Variants in RFWD3 observed in about 807,000 individuals in gnomAD.
RFWD3 encodes ring finger and WD repeat domain 3.
In RFWD3, 65 loss-of-function variants were observed where a neutral mutation model predicts 87.7. That is an observed-to-expected ratio of 0.74 (90% CI 0.61 to 0.91). The LOEUF (loss-of-function observed/expected upper bound fraction) is 0.91. RFWD3 is among the 40% of genes least tolerant of loss of function. RFWD3 has a pLI of 0.00. For synonymous variants in RFWD3, 433 were observed against 352.8 expected (o/e 1.23, Z -2.55); for missense variants, 1,078 against 938.5 (o/e 1.15, Z -1.94).
In RFWD3 at chr16:74,624,058, G is replaced by C. The variant is rs765394837; in HGVS notation, c.2195C>G (p.Ala732Gly). 9.6e-5 allele frequency: 155 copies of C among 1,613,824 alleles called. No homozygotes were observed. The East Asian group carries it at 3.4e-3, about 35-fold the overall frequency. ...AANSALLWDA[A>G]SGSLLQDLQT... ...TAGGTCCTGGAGCAACGAGCCACTG[G>C]CAGCATCCCACAGCTAAAGAACACA... Residue 732 changes from alanine to glycine, a missense_variant, in exon 13 of 13, where the codon GCC becomes GGC. Transcript: ENST00000361070.
At chr16:74,627,345 G>C (rs1958968441) in intron 11 of RFWD3, among the ~76,000 whole-genome samples, 1 of 152,110 alleles carries the variant, frequency 6.6e-6, no homozygotes, top group Non-Finnish European at 1.5e-5. Flanking sequence ...CTTTGGCCTA[G>C]TTAAAACATC....
chr16:74,636,525 C>A lies in RFWD3; in HGVS notation c.1247G>T (p.Gly416Val), dbSNP rs1159924480. The A allele has an allele frequency of 1.2e-6, 2 of 1,613,894 alleles. No homozygotes were observed. Among genetic ancestry groups the A allele is most frequent in the East Asian group, 2.2e-5 (1 of 44,878 alleles). The change falls in exon 8 of 13, where the codon GGC becomes GTC. Residue 416 changes from glycine (G) to valine (V), a missense_variant. Coordinates refer to ENST00000361070, the MANE Select transcript of RFWD3 (RefSeq NM_018124.4). ...GCAGCTCAGGACCCATGCTTGGGAG[C>A]CCCTGGGTTGCTGTAAATTCTGACT... ...HQSQNLQQPRGSQAWVLSCSP... is the reference protein window; with the variant it reads ...HQSQNLQQPRVSQAWVLSCSP...
At chr16:74,657,749 C>G (rs1474095266) in intron 2 of RFWD3, among the ~76,000 whole-genome samples, 1 of 152,178 alleles carries the variant, frequency 6.6e-6, no homozygotes, top group Non-Finnish European at 1.5e-5. Flanking sequence ...GCTGCGATTA[C>G]AGGTGTGAGC....
chr16:74,654,089 A>G (rs1399523252), intron 2 of RFWD3, among the ~76,000 whole-genome samples: 1 of 152,172 alleles, frequency 6.6e-6, no homozygotes, highest in African/African-American at 2.4e-5. Context: ...TCTGGTTCCA[A>G]AACATTTTTG....
At chr16:74,634,571 T>C (rs1391518334) in intron 8 of RFWD3, among the ~76,000 whole-genome samples, 1 of 152,034 alleles carries the variant, frequency 6.6e-6, no homozygotes, top group Non-Finnish European at 1.5e-5. Context: ...ATTTTTTTTA[T>C]AGCGATGGAG....
intron 10 of RFWD3, among the ~76,000 whole-genome samples, chr16:74,630,396 C>T (rs773740906): frequency 7.2e-5 from 11 of 152,056 alleles, no homozygotes; most frequent in Non-Finnish European, 1.6e-4. Flanking sequence ...CCGCACCCAG[C>T]GACATGTGGC....
At chr16:74,655,211 G>A (rs1960871345) in intron 2 of RFWD3, among the ~76,000 whole-genome samples, 1 of 152,150 alleles carries the variant, frequency 6.6e-6, no homozygotes. Context: ...CTTGTTAGGG[G>A]ATAATGCTGC....
At chr16:74,633,685 C>T (rs780638853) in intron 8 of RFWD3, among the ~76,000 whole-genome samples, 4 of 152,054 alleles carry the variant, frequency 2.6e-5, no homozygotes, top group Non-Finnish European at 2.9e-5. Flanking sequence ...CATGGTAGCT[C>T]GCGCCTGTAA....
In RFWD3 at chr16:74,636,492, G is replaced by C; in HGVS notation, c.1280C>G (p.Ser427Cys). 2 of 1,614,084 alleles carry C rather than the reference G, an allele frequency of 1.2e-6. No homozygotes were observed. Among genetic ancestry groups the C allele is most frequent in the Middle Eastern group, 1.7e-4 (1 of 6,004 alleles). Reference sequence around the variant, plus strand: ...CTTGTGCTTGTGCTGGCCCTGGCTGGAGGGTGAGCAGCTCAGGACCCATGC... The same window carrying C: ...CTTGTGCTTGTGCTGGCCCTGGCTGCAGGGTGAGCAGCTCAGGACCCATGC... ...SQAWVLSCSPSSQGQHKHKYH... is the reference protein window; with the variant it reads ...SQAWVLSCSPCSQGQHKHKYH... The change falls in exon 8 of 13, where the codon TCC (serine) becomes TGC (cysteine). Residue 427 changes from serine to cysteine, a missense_variant. Ser to Cys is a moderately radical substitution (Grantham distance 112, BLOSUM62 -1). Coordinates refer to ENST00000361070, the MANE Select transcript of RFWD3 (RefSeq NM_018124.4).
intron 2 of RFWD3, among the ~76,000 whole-genome samples, chr16:74,653,818 G>A (rs1960756745): frequency 6.6e-6 from 1 of 152,168 alleles, no homozygotes; most frequent in Non-Finnish European, 1.5e-5. Context: ...GCAATTTATT[G>A]ATGAATTAGG....
At chr16:74,655,637 T>C (rs1443853991) in intron 2 of RFWD3, among the ~76,000 whole-genome samples, 1 of 151,946 alleles carries the variant, frequency 6.6e-6, no homozygotes, top group Non-Finnish European at 1.5e-5. Flanking sequence ...TCTTTTTTTT[T>C]GAGATGGAGT....
At chr16:74,659,743 A>G (rs1436243129) in intron 2 of RFWD3, among the ~76,000 whole-genome samples, 1 of 152,260 alleles carries the variant, frequency 6.6e-6, no homozygotes, top group Non-Finnish European at 1.5e-5. Context: ...TCCATGAAAA[A>G]GAATGCTGAA....
intron 2 of RFWD3, among the ~76,000 whole-genome samples, chr16:74,653,668 A>G (rs1325752693): frequency 6.6e-6 from 1 of 152,210 alleles, no homozygotes; most frequent in South Asian, 2.1e-4. Context: ...AATTTAAAAC[A>G]AAAGGGCAAC....
Position 74,661,588 on chromosome 16 carries a change from T to G in RFWD3, c.-2-137A>C, listed in dbSNP as rs938575836. On this transcript the variant is annotated intron_variant, in intron 1 of 12. Coordinates refer to ENST00000361070, the MANE Select transcript of RFWD3 (RefSeq NM_018124.4). ...AGACTGAGAAGCTTCAAGAGAAGAT[T>G]TTAACTACTTAAGTCAGAAGTGTTT... is the stretch of plus-strand genomic sequence containing the variant. 10 of 817,622 alleles carry G rather than the reference T, an allele frequency of 1.2e-5. No homozygotes were observed. In the East Asian group the frequency reaches 2.4e-4, roughly 20 times the overall value. 50.6% of individuals were successfully genotyped at this position (817,622 alleles called of 1,614,324 possible).
chr16:74,642,375 C>T (rs1342878138), intron 6 of RFWD3, among the ~76,000 whole-genome samples: 3 of 152,196 alleles, frequency 2.0e-5, no homozygotes, highest in African/African-American at 7.2e-5. Flanking sequence ...CTGCCTGCCT[C>T]AGCCTCCCAG....
At chr16:74,660,654 A>T (rs1961351533) in intron 2 of RFWD3, 5 of 313,530 alleles carry the variant, frequency 1.6e-5, no homozygotes, top group Non-Finnish European at 2.9e-5. Context: ...CAAGTGAAGA[A>T]AGAATTTTTG....
chr16:74,637,638 A>G (rs891286794), intron 7 of RFWD3, among the ~76,000 whole-genome samples: 1 of 152,196 alleles, frequency 6.6e-6, no homozygotes, highest in African/African-American at 2.4e-5. Context: ...GCCTCAAAAA[A>G]ATAAAAAATA....
intron 10 of RFWD3, among the ~76,000 whole-genome samples, chr16:74,630,058 T>C (rs865885194): frequency 6.6e-6 from 1 of 152,238 alleles, no homozygotes; most frequent in African/African-American, 2.4e-5. Flanking sequence ...TTGATTAGGT[T>C]ACCCTTAACT....
rs1405810946 is a variant in RFWD3, at chr16:74,632,570, TCTGAGGTAA to T, written c.1521_1529del (p.Ser507_Leu509del). 6.2e-7 allele frequency: 1 copy of T among 1,614,118 alleles called. No individual in the cohort carries two copies. Among genetic ancestry groups the T allele is most frequent in the Non-Finnish European group, 8.5e-7 (1 of 1,179,984 alleles). ...CTAGGGAAGCAGAGAGTAGCAAGCC[TCTGAGGTAA>T]CTGCTAAACGCCAGTCCACGGATCT... On this transcript the variant is annotated inframe_deletion, in exon 9 of 13. Transcript: ENST00000361070.
Sources: allele counts gnomAD v4.1 joint callset (sites outside exome capture counted in the v4.1 genomes callset), GRCh38; gene constraint gnomAD v4.1.1; transcripts MANE v1.5; gene names NCBI Gene and HGNC (gene_info 2026-07-23, HGNC 2026-07-21).